Variants in KRT75 observed in about 807,000 individuals in gnomAD.
The protein encoded by KRT75 is keratin 75.
In KRT75, 35 loss-of-function variants were observed where a neutral mutation model predicts 48.8. The observed-to-expected ratio is 0.72, with a 90% CI of 0.55 to 0.95. The LOEUF (loss-of-function observed/expected upper bound fraction) is 0.95. Among genes scored for constraint, KRT75 ranks in the 40% least tolerant of loss-of-function variants. The pLI is 0.00. For synonymous variants in KRT75, 301 were observed against 282.3 expected (o/e 1.07, Z -0.66); for missense variants, 776 against 709.9 (o/e 1.09, Z -1.06).
intron 5 of KRT75, among the ~76,000 whole-genome samples, chr12:52,429,195 G>A (rs1940112400): frequency 6.6e-6 from 1 of 152,160 alleles, no homozygotes; most frequent in African/African-American, 2.4e-5. Context: ...GAGTGAGACG[G>A]TGATTTGATC....
In KRT75 at chr12:52,432,055, T is replaced by C. The variant is rs2232393; in HGVS notation, c.725A>G (p.Glu242Gly). Residue 242 changes from glutamate (E) to glycine (G), a missense_variant, in exon 3 of 9, where the codon GAA becomes GGA. Coordinates refer to ENST00000252245, the MANE Select transcript of KRT75 (RefSeq NM_004693.3). ...VEDFKVRYED[E>G]INKRTAAENE... ...CTCAGCAGCTGTGCGCTTGTTAATT[T>C]CATCTTCGTACCTATAAGGACAGAG... 1.5e-3 allele frequency: 2,477 copies of C among 1,614,174 alleles called. 41 individuals carry two copies. In the African/African-American group the frequency reaches 0.028, roughly 19 times the overall value.
intron 7 of KRT75, 103 bp from the exon 8 acceptor site, chr12:52,426,954 A>C (rs996724911): frequency 2.0e-6 from 2 of 975,722 alleles, no homozygotes; most frequent in Admixed American, 3.6e-5. Flanking sequence ...ATTTAAACAT[A>C]CTTTATTATT....
chr12:52,430,827 A>G, intron 4 of KRT75, 122 bp from the exon 5 acceptor site: 1 of 1,089,690 alleles, frequency 9.2e-7, no homozygotes, highest in Non-Finnish European at 1.4e-6. Flanking sequence ...TCTCCCAGCT[A>G]TTCCCTAGGT....
At chr12:52,433,691 A>C in intron 1 of KRT75, 116 bp downstream of exon 1, 1 of 1,517,472 alleles carries the variant, frequency 6.6e-7, no homozygotes. Flanking sequence ...GCCCGTGCTG[A>C]ACAGTGCTCA....
In KRT75 at chr12:52,430,647, T is replaced by C; in HGVS notation, c.929A>G (p.Asn310Ser). 1 of 1,614,172 alleles carries C rather than the reference T, an allele frequency of 6.2e-7. No individual in the cohort carries two copies. The highest frequency in any genetic ancestry group is 8.5e-7 in the Non-Finnish European group (1 of 1,180,006). Residue 310 changes from asparagine (N) to serine (S), a missense_variant, in exon 5 of 9, where the codon AAC becomes AGC. Physicochemically the swap from Asn to Ser is conservative, Grantham distance 46 (BLOSUM62 1). Transcript: ENST00000252245. ...GDTSVVLSMD[N>S]NRNLDLDSII... ...ACTATCCAGGTCCAGGTTGCGGTTG[T>C]TGTCCATGGACAGCACCACGGATGT...
At position 52,433,948 on chromosome 12, in the gene KRT75, T is replaced by C. The variant is rs1220128466; in HGVS notation, c.357A>G (p.Gly119=). 9 of 1,614,008 alleles carry C rather than the reference T, an allele frequency of 5.6e-6. 1 individual carries two copies. The highest frequency in any genetic ancestry group is 5.0e-5 in the Admixed American group (3 of 60,006). The change falls in exon 1 of 9, where the codon GGA becomes GGG. Residue 119 remains glycine, a synonymous_variant. Transcript: ENST00000252245. The part of the protein sequence containing the change: ...SGPSFPVCPP[G]GIQEVTVNQS... ...GGTTGACAGTGACCTCTTGGATGCC[T>C]CCAGGGGGACACACGGGGAAGCTGG...
At chr12:52,431,670 T>C (rs1161925867) in intron 3 of KRT75, 32 bp from the exon 4 acceptor site, 1 of 1,458,566 alleles carries the variant, frequency 6.9e-7, no homozygotes, top group Non-Finnish European at 9.6e-7. Flanking sequence ...CTCCTTTGAG[T>C]CTGCAGCCCC....
Position 52,424,215 on chromosome 12 carries a change from G to T in KRT75, c.*302C>A. 1.9e-5 allele frequency: 9 copies of T among 467,742 alleles called. No homozygotes were observed. The highest frequency in any genetic ancestry group is 1.9e-4 in the South Asian group (9 of 47,416). 29.0% of individuals were successfully genotyped at this position (467,742 alleles called of 1,614,324 possible). A position where few individuals can be genotyped will look rare whatever the true frequency, so the allele number is the denominator to read the frequency against. On this transcript the variant is annotated 3_prime_UTR_variant, in exon 9 of 9. Transcript: ENST00000252245. Reference sequence around the variant, plus strand: ...CCCCAGCCTCTGCATCTGGAGGGAGGGAGGGAGGTGGAGCTGGAGGAGGAC... The same window carrying T: ...CCCCAGCCTCTGCATCTGGAGGGAGTGAGGGAGGTGGAGCTGGAGGAGGAC...
chr12:52,428,445 G>A lies in KRT75; in HGVS notation c.1193C>T (p.Ala398Val). 6.2e-7 allele frequency: 1 copy of A among 1,614,080 alleles called. No individual in the cohort carries two copies. Among genetic ancestry groups the A allele is most frequent in the Non-Finnish European group, 8.5e-7 (1 of 1,179,988 alleles). ...CSSLQTAIADAEQRGELALKD... is the reference protein window; with the variant it reads ...CSSLQTAIADVEQRGELALKD... Reference sequence around the variant, plus strand: ...GAGAGCCAGTTCTCCCCGCTGCTCTGCATCAGCAATGGCCGTTTGCAAGCT... The same window carrying A: ...GAGAGCCAGTTCTCCCCGCTGCTCTACATCAGCAATGGCCGTTTGCAAGCT... The change falls in exon 7 of 9, where the codon GCA becomes GTA. Residue 398 changes from alanine to valine, a missense_variant. Coordinates refer to ENST00000252245, the MANE Select transcript of KRT75 (RefSeq NM_004693.3).
intron 1 of KRT75, 70 bp downstream of exon 1, chr12:52,433,737 C>T (rs888741002): frequency 1.9e-5 from 31 of 1,608,006 alleles, no homozygotes; most frequent in Middle Eastern, 3.7e-4. Flanking sequence ...TTGCTCTCCC[C>T]CCATGGGATG....
In KRT75 at chr12:52,428,319, A is replaced by C. The variant is rs1940098333; in HGVS notation, c.1319T>G (p.Ile440Ser). ...LLREYQELMN[I>S]KLALDVEIAT... The stretch of plus-strand genomic sequence containing the variant: ...GATCTCCACGTCCAGGGCCAGCTTG[A>C]TGTTCATCAGCTCCTGGTACTCACG... The change falls in exon 7 of 9, where the codon ATC (isoleucine) becomes AGC (serine). Residue 440 changes from isoleucine (I) to serine (S), a missense_variant. Coordinates refer to ENST00000252245, the MANE Select transcript of KRT75 (RefSeq NM_004693.3). 1 of 1,613,858 alleles carries C rather than the reference A, an allele frequency of 6.2e-7. No homozygotes were observed. The highest frequency in any genetic ancestry group is 1.3e-5 in the African/African-American group (1 of 74,844).
intron 3 of KRT75, 114 bp from the exon 4 acceptor site, chr12:52,431,752 G>C: frequency 2.2e-6 from 2 of 902,038 alleles, no homozygotes; most frequent in Non-Finnish European, 3.6e-6. Flanking sequence ...GAAAACTCTG[G>C]GTCTGGGTGA....
Position 52,433,245 on chromosome 12 carries a change from A to G in KRT75, c.506T>C (p.Phe169Ser). Residue 169 changes from phenylalanine (F) to serine (S), a missense_variant, in exon 2 of 9, where the codon TTC becomes TCC. Phe to Ser is a radical substitution (Grantham distance 155). Transcript: ENST00000252245. Reference sequence around the variant, plus strand: ...CAGGACCTTGTTCTGCTGCTCCAAGAACCTCACCTGGAGGGAAGAAGAGAG... The same window carrying G: ...CAGGACCTTGTTCTGCTGCTCCAAGGACCTCACCTGGAGGGAAGAAGAGAG... ...KFASFIDKVR[F>S]LEQQNKVLET... The G allele has an allele frequency of 6.2e-7, 1 of 1,613,690 alleles. No individual in the cohort carries two copies. The highest frequency in any genetic ancestry group is 8.5e-7 in the Non-Finnish European group (1 of 1,179,772).
At chr12:52,433,323 G>A in intron 1 of KRT75, 71 bp from the exon 2 acceptor site, 1 of 1,270,702 alleles carries the variant, frequency 7.9e-7, no homozygotes, top group Non-Finnish European at 1.1e-6. Flanking sequence ...TATTAATAAG[G>A]GAGAGAAGAA....
chr12:52,425,605 C>T (rs1405919016), intron 8 of KRT75, among the ~76,000 whole-genome samples: 3 of 152,316 alleles, frequency 2.0e-5, no homozygotes, highest in Middle Eastern at 3.4e-3. Context: ...GATGCAGCCA[C>T]AAGCCAAGGA....
intron 7 of KRT75, 121 bp from the exon 8 acceptor site, chr12:52,426,972 C>T (rs1940083185): frequency 1.3e-6 from 1 of 799,770 alleles, no homozygotes; most frequent in Middle Eastern, 2.2e-4. Flanking sequence ...ATTTTTATTG[C>T]AGAAGTAATG....
chr12:52,433,511 C>A (rs1940173502), intron 1 of KRT75, among the ~76,000 whole-genome samples: 1 of 151,728 alleles, frequency 6.6e-6, no homozygotes, highest in Non-Finnish European at 1.5e-5. Context: ...TCAACACCAC[C>A]TACTCTGGGT....
chr12:52,428,184 C>G, intron 7 of KRT75, 72 bp downstream of exon 7: 1 of 1,578,652 alleles, frequency 6.3e-7, no homozygotes, highest in South Asian at 1.1e-5. Context: ...ACAGCCCGAG[C>G]CCCTAGGAAT....
Position 52,428,275 on chromosome 12 carries a change from G to T in KRT75, c.1363C>A (p.Leu455Met). 1 of 1,614,056 alleles carries T rather than the reference G, an allele frequency of 6.2e-7. No homozygotes were observed. Among genetic ancestry groups the T allele is most frequent in the Non-Finnish European group, 8.5e-7 (1 of 1,180,038 alleles). ...CCTCACCTGCACTCCTCGCCTTCCA[G>T]CAGCTTGCGGTAGGTGGCGATCTCC... ...DVEIATYRKL[L>M]EGEECRLSGE... Residue 455 changes from leucine (L) to methionine (M), a missense_variant, in exon 7 of 9, where the codon CTG becomes ATG. Coordinates refer to ENST00000252245, the MANE Select transcript of KRT75 (RefSeq NM_004693.3).
Sources: allele counts gnomAD v4.1 joint callset (sites outside exome capture counted in the v4.1 genomes callset), GRCh38; gene constraint gnomAD v4.1.1; transcripts MANE v1.5; gene names NCBI Gene and HGNC (gene_info 2026-07-23, HGNC 2026-07-21).